DCLK1: variants seen among roughly 807,000 people sequenced by gnomAD.
DCLK1 encodes the protein serine/threonine-protein kinase DCLK1.
A neutral mutation model predicts 86.2 loss-of-function variants in DCLK1; 16 were observed. The observed-to-expected ratio is 0.19, with a 90% CI of 0.13 to 0.28. DCLK1 has a LOEUF of 0.28. Ranked by LOEUF, DCLK1 falls within the 10% of genes least tolerant of loss-of-function variation. DCLK1 has a pLI of 1.00. For missense variants in DCLK1, 590 were observed against 940.2 expected (o/e 0.63, Z 4.87); for synonymous variants, 369 against 370.5 (o/e 1.00, Z 0.05).
intron 6 of DCLK1, chr13:35,846,841 T>C: frequency 1.0e-6 from 1 of 985,084 alleles, no homozygotes; most frequent in Non-Finnish European, 1.2e-6. Flanking sequence ...TTTATGTAGA[T>C]ATATACACAC....
intron 2 of DCLK1, among the ~76,000 whole-genome samples, chr13:36,123,337 G>T (rs1886058668): frequency 6.6e-6 from 1 of 151,974 alleles, no homozygotes; most frequent in African/African-American, 2.4e-5. Flanking sequence ...TCAGTGTTAT[G>T]AATTAGAAAA....
chr13:36,065,584 T>C (rs971221515), intron 3 of DCLK1, among the ~76,000 whole-genome samples: 1 of 152,104 alleles, frequency 6.6e-6, no homozygotes, highest in African/African-American at 2.4e-5. Flanking sequence ...ATAGAGTAAA[T>C]AGTAGAGGTT....
chr13:35,891,100 T>C (rs1873618531), intron 4 of DCLK1, among the ~76,000 whole-genome samples: 2 of 152,230 alleles, frequency 1.3e-5, no homozygotes, highest in Non-Finnish European at 2.9e-5. Context: ...CTATCCAATA[T>C]GATATTTAAA....
At chr13:35,862,578 A>G (rs2153112670) in intron 5 of DCLK1, among the ~76,000 whole-genome samples, 1 of 152,252 alleles carries the variant, frequency 6.6e-6, no homozygotes, top group South Asian at 2.1e-4. Flanking sequence ...TTCACTTCAT[A>G]ATACCTACAA....
chr13:35,811,364 AC>A, intron 11 of DCLK1, among the ~76,000 whole-genome samples: 1 of 152,120 alleles, frequency 6.6e-6, no homozygotes, highest in African/African-American at 2.4e-5. Flanking sequence ...GTCTGAAAGA[AC>A]ACAGTGCCGA....
intron 4 of DCLK1, among the ~76,000 whole-genome samples, chr13:35,917,688 C>T (rs938112019): frequency 5.9e-5 from 9 of 152,140 alleles, no homozygotes; most frequent in Non-Finnish European, 7.4e-5. Flanking sequence ...CTACTGAATT[C>T]GAAACCCAGC....
chr13:36,023,384 AC>A (rs1457066252), intron 3 of DCLK1, among the ~76,000 whole-genome samples: 1 of 152,122 alleles, frequency 6.6e-6, no homozygotes, highest in Non-Finnish European at 1.5e-5. Context: ...CAGTCCAAAG[AC>A]CAGCAGAAAG....
intron 16 of DCLK1, among the ~76,000 whole-genome samples, chr13:35,786,938 C>A (rs551466072): frequency 6.6e-6 from 1 of 152,132 alleles, no homozygotes; most frequent in East Asian, 1.9e-4. Context: ...TTGCTTTAAA[C>A]AGATTTGGAA....
intron 4 of DCLK1, among the ~76,000 whole-genome samples, chr13:35,928,986 G>A (rs1237420081): frequency 6.6e-6 from 1 of 152,130 alleles, no homozygotes; most frequent in Non-Finnish European, 1.5e-5. Context: ...CTGGAGTGCA[G>A]TGGCATGATC....
At position 35,791,275 on chromosome 13, in the gene DCLK1, TA is replaced by T. The variant is rs768851342; in HGVS notation, c.2058+2090del. Reference sequence around the variant, plus strand: ...GAATCTGAATTAAGTTGATAATTATTAAAAAAAAAAAAACCTCTGCAGCAGT... The same window carrying T: ...GAATCTGAATTAAGTTGATAATTATTAAAAAAAAAAAACCTCTGCAGCAGT... On this transcript the variant is annotated intron_variant, in intron 16 of 16. Coordinates refer to ENST00000360631, the MANE Select transcript of DCLK1 (RefSeq NM_001330071.2). Among the ~76,000 whole-genome samples the T allele has an allele frequency of 2.7e-3, 376 of 140,834 alleles. 1 individual carries two copies. The highest frequency in any genetic ancestry group is 5.1e-3 in the South Asian group (23 of 4,484). The allele number at this position is 140,834 out of a possible 152,430, so 92.4% of individuals were successfully genotyped here.
chr13:35,878,198 C>T (rs1016611491), intron 4 of DCLK1, among the ~76,000 whole-genome samples: 1 of 152,220 alleles, frequency 6.6e-6, no homozygotes, highest in African/African-American at 2.4e-5. Flanking sequence ...ACAAAGCCAT[C>T]CTGGTATAAT....
At chr13:36,024,971 T>TC (rs1237040539) in intron 3 of DCLK1, among the ~76,000 whole-genome samples, 3 of 149,736 alleles carry the variant, frequency 2.0e-5, no homozygotes, top group African/African-American at 7.3e-5. Context: ...TTTCTTTCTT[T>TC]TTTTTTTTTT....
At chr13:35,848,136 A>T in intron 6 of DCLK1, 1 of 985,316 alleles carries the variant, frequency 1.0e-6, no homozygotes, top group African/African-American at 1.7e-5. Flanking sequence ...GCATTTAAGG[A>T]TTATCATTAG....
At chr13:36,048,607 C>T (rs1883014949) in intron 3 of DCLK1, among the ~76,000 whole-genome samples, 1 of 152,142 alleles carries the variant, frequency 6.6e-6, no homozygotes, top group South Asian at 2.1e-4. Flanking sequence ...GGTTATTTGT[C>T]ACCTTAAAAC....
At chr13:35,986,645 G>A (rs950363139) in intron 3 of DCLK1, among the ~76,000 whole-genome samples, 2 of 152,096 alleles carry the variant, frequency 1.3e-5, no homozygotes, top group African/African-American at 4.8e-5. Context: ...TCCTTGAGAG[G>A]GTTTCTTTTG....
At chr13:36,026,620 C>A (rs190701323) in intron 3 of DCLK1, among the ~76,000 whole-genome samples, 4 of 151,952 alleles carry the variant, frequency 2.6e-5, no homozygotes, top group Non-Finnish European at 5.9e-5. Context: ...AAATGTAAAC[C>A]CCTTTTAATT....
intron 3 of DCLK1, among the ~76,000 whole-genome samples, chr13:35,954,285 A>G (rs1037754963): frequency 6.6e-6 from 1 of 152,076 alleles, no homozygotes; most frequent in African/African-American, 2.4e-5. Context: ...TTTCTGCACA[A>G]TTCGTAATGT....
At chr13:36,051,968 A>C (rs1452032110) in intron 3 of DCLK1, among the ~76,000 whole-genome samples, 2 of 152,176 alleles carry the variant, frequency 1.3e-5, no homozygotes, top group Admixed American at 6.6e-5. Flanking sequence ...CTTTAATGAA[A>C]GTTAAATTAC....
At chr13:36,008,753 T>C (rs1881143545) in intron 3 of DCLK1, among the ~76,000 whole-genome samples, 1 of 151,360 alleles carries the variant, frequency 6.6e-6, no homozygotes, top group Admixed American at 6.6e-5. Context: ...ATGGGATGGC[T>C]GGGTCAAATG....
Sources: allele counts gnomAD v4.1 joint callset (sites outside exome capture counted in the v4.1 genomes callset), GRCh38; gene constraint gnomAD v4.1.1; transcripts MANE v1.5; gene names NCBI Gene and HGNC (gene_info 2026-07-23, HGNC 2026-07-21).